Variants in PLEKHH2 observed in about 807,000 individuals in gnomAD.
PLEKHH2 encodes pleckstrin homology, MyTH4 and FERM domain containing H2.
In PLEKHH2, 129 loss-of-function variants were observed where a neutral mutation model predicts 187.9. The ratio of observed to expected loss-of-function variants is 0.69; its 90% CI spans 0.59 to 0.79. The LOEUF is 0.79. Among genes scored for constraint, PLEKHH2 ranks in the 30% least tolerant of loss-of-function variants. The pLI is 0.00. For missense variants in PLEKHH2, 2,076 were observed against 1,751.2 expected, an observed-to-expected ratio of 1.19 and a Z score of -3.31; for synonymous variants, 686 against 605.6, an observed-to-expected ratio of 1.13 and a Z score of -1.95.
intron 2 of PLEKHH2, among the ~76,000 whole-genome samples, chr2:43,657,189 C>T (rs1397901444): frequency 6.6e-6 from 1 of 152,164 alleles, no homozygotes; most frequent in African/African-American, 2.4e-5. Context: ...AGGGTGGACT[C>T]ACTGCGGGTG....
Position 43,757,275 on chromosome 2 carries a change from C to G in PLEKHH2, c.3941+11C>G. ...TGAAGAGCAGTTAAGGTAAGGAAAT[C>G]TTTGTAACTCTTTATAGGGTAGGGT... On this transcript the variant is annotated intron_variant, in intron 26 of 29. Coordinates refer to ENST00000282406, the MANE Select transcript of PLEKHH2 (RefSeq NM_172069.4). 6.5e-7 allele frequency: 1 copy of G among 1,534,796 alleles called. No homozygotes were observed. Among genetic ancestry groups the G allele is most frequent in the South Asian group, 1.3e-5 (1 of 76,446 alleles).
chr2:43,689,489 C>A (rs1668689934), intron 3 of PLEKHH2, among the ~76,000 whole-genome samples: 1 of 152,144 alleles, frequency 6.6e-6, no homozygotes, highest in African/African-American at 2.4e-5. Flanking sequence ...AATGGAAAAA[C>A]AAGTGAGCTA....
intron 2 of PLEKHH2, among the ~76,000 whole-genome samples, chr2:43,648,180 TTTTG>T (rs927200488): frequency 3.0e-4 from 46 of 152,082 alleles, no homozygotes; most frequent in African/African-American, 8.2e-4. Flanking sequence ...TTCTGGTTTT[TTTTG>T]TTTGTTTGTT....
intron 24 of PLEKHH2, among the ~76,000 whole-genome samples, chr2:43,747,096 C>G (rs1013536864): frequency 4.8e-5 from 7 of 145,572 alleles, no homozygotes; most frequent in African/African-American, 1.0e-4. Context: ...CTTTCTGTCT[C>G]TCTCTCTCTC....
Position 43,758,963 on chromosome 2 carries a change from T to C in PLEKHH2, c.4005T>C (p.Cys1335=). 3.7e-6 allele frequency: 6 copies of C among 1,612,540 alleles called. No individual in the cohort carries two copies. Among genetic ancestry groups the C allele is most frequent in the Non-Finnish European group, 4.2e-6 (5 of 1,178,664 alleles). Residue 1335 remains cysteine (C), a synonymous_variant, in exon 27 of 30, where the codon TGT becomes TGC. Coordinates refer to ENST00000282406, the MANE Select transcript of PLEKHH2 (RefSeq NM_172069.4). ...TCCGGGGACACAGTGCTGCTGACTG[T>C]GTGCGCATTTATTTGACAGTAGCCA... ...MALRGHSAAD[C]VRIYLTVARK...
chr2:43,746,877 G>A (rs1671798573), intron 24 of PLEKHH2, among the ~76,000 whole-genome samples: 1 of 151,948 alleles, frequency 6.6e-6, no homozygotes, highest in South Asian at 2.1e-4. Flanking sequence ...GGCTGAGGCA[G>A]GCGAATGGCA....
In PLEKHH2 at chr2:43,749,119, G is replaced by A. The variant is rs1159393338; in HGVS notation, c.3653+3156G>A. On this transcript the variant is annotated intron_variant, in intron 24 of 29. Coordinates refer to ENST00000282406, the MANE Select transcript of PLEKHH2 (RefSeq NM_172069.4). ...AATACATACCAACTCTGAGTATGAT[G>A]GCTATGATTGGAACTGAAGTGAAAT... Among the ~76,000 whole-genome samples, 3 of 152,148 alleles carry A rather than the reference G, an allele frequency of 2.0e-5. No homozygotes were observed. In the East Asian group the frequency reaches 5.8e-4, roughly 29 times the overall value.
chr2:43,757,037 T>C, intron 25 of PLEKHH2, 82 bp from the exon 26 acceptor site: 2 of 1,099,118 alleles, frequency 1.8e-6, no homozygotes, highest in Non-Finnish European at 2.5e-6. Context: ...TAAAAAAGAA[T>C]GTTTAGAAAA....
intron 16 of PLEKHH2, among the ~76,000 whole-genome samples, chr2:43,725,736 T>C (rs1393002647): frequency 6.6e-6 from 1 of 152,238 alleles, no homozygotes; most frequent in Non-Finnish European, 1.5e-5. Context: ...GGTTCTTTCA[T>C]ATTACTTTTA....
At chr2:43,681,110 A>G (rs1464375126) in intron 3 of PLEKHH2, 13 of 1,002,536 alleles carry the variant, frequency 1.3e-5, no homozygotes, top group Non-Finnish European at 1.8e-5. Flanking sequence ...CAGAATTACT[A>G]TGGTTGTGAA....
At chr2:43,720,832 C>A (rs1670445376) in intron 16 of PLEKHH2, 83 bp downstream of exon 16, 12 of 1,495,382 alleles carry the variant, frequency 8.0e-6, no homozygotes, top group Non-Finnish European at 1.1e-5. Context: ...TCTTCTCTTA[C>A]TTTGTAAAAC....
intron 2 of PLEKHH2, among the ~76,000 whole-genome samples, chr2:43,646,220 G>A (rs1290154326): frequency 3.3e-5 from 5 of 152,132 alleles, no homozygotes; most frequent in African/African-American, 9.7e-5. Flanking sequence ...CTCCAAGTTG[G>A]AGAAGTTTTT....
intron 9 of PLEKHH2, among the ~76,000 whole-genome samples, chr2:43,705,572 C>T (rs1669619249): frequency 6.6e-6 from 1 of 151,992 alleles, no homozygotes; most frequent in African/African-American, 2.4e-5. Context: ...AATTACATTC[C>T]AATATTTCAA....
chr2:43,678,775 T>TGGAGGG, intron 2 of PLEKHH2, 88 bp from the exon 3 acceptor site: 1 of 993,134 alleles, frequency 1.0e-6, no homozygotes, highest in Non-Finnish European at 1.5e-6. Context: ...GAGGTGGAGG[T>TGGAGGG]AGAATTATGA....
At chr2:43,672,793 C>T (rs181794780) in intron 2 of PLEKHH2, among the ~76,000 whole-genome samples, 81 of 152,166 alleles carry the variant, frequency 5.3e-4, no homozygotes, top group Admixed American at 2.4e-3. Flanking sequence ...TTTTCAGCTC[C>T]GTAAAACTCC....
Position 43,699,861 on chromosome 2 carries a change from A to G in PLEKHH2, c.903A>G (p.Arg301=), listed in dbSNP as rs142157258. 3.4e-5 allele frequency: 55 copies of G among 1,613,984 alleles called. No homozygotes were observed. In the African/African-American group the frequency reaches 4.5e-4, roughly 13 times the overall value. The change falls in exon 8 of 30, where the codon AGA becomes AGG. Residue 301 remains arginine, a synonymous_variant. Transcript: ENST00000282406. ...GGAGCAAAGGAAGATCCAAGTCCAG[A>G]TGCACATCCACCCTCTCCAGTCACA... ...EDGSKGRSKS[R]CTSTLSSHTS...
intron 21 of PLEKHH2, among the ~76,000 whole-genome samples, chr2:43,741,560 C>G (rs1362604492): frequency 6.6e-6 from 1 of 152,178 alleles, no homozygotes; most frequent in Non-Finnish European, 1.5e-5. Flanking sequence ...CAAGGCTTAT[C>G]CAGGGTCATT....
rs374484703 is a variant in PLEKHH2, at chr2:43,699,902, T to G, written c.944T>G (p.Val315Gly). ...TCCAGTCACACATCTGAGGAAGGGGTCCAGTGTAGCAGGATGGGAAGTGAA... is the reference window on the plus strand; with the variant it reads ...TCCAGTCACACATCTGAGGAAGGGGGCCAGTGTAGCAGGATGGGAAGTGAA... ...TLSSHTSEEG[V>G]QCSRMGSEMY... Residue 315 changes from valine to glycine, a missense_variant, in exon 8 of 30, where the codon GTC becomes GGC. Physicochemically the swap from Val to Gly is moderately radical, Grantham distance 109. Transcript: ENST00000282406. 14 of 1,613,940 alleles carry G rather than the reference T, an allele frequency of 8.7e-6. No individual in the cohort carries two copies. The highest frequency in any genetic ancestry group is 1.3e-5 in the African/African-American group (1 of 74,962).
chr2:43,732,017 C>T (rs867589206), intron 19 of PLEKHH2, among the ~76,000 whole-genome samples: 1 of 152,176 alleles, frequency 6.6e-6, no homozygotes, highest in Non-Finnish European at 1.5e-5. Flanking sequence ...CATGCAACTT[C>T]GCACTCTTTA....
Sources: allele counts gnomAD v4.1 joint callset (sites outside exome capture counted in the v4.1 genomes callset), GRCh38; gene constraint gnomAD v4.1.1; transcripts MANE v1.5; gene names NCBI Gene and HGNC (gene_info 2026-07-23, HGNC 2026-07-21).